The following CALN1 variants were observed in gnomAD, a reference collection of about 807,000 sequenced individuals.
The protein encoded by CALN1 is calneuron 1.
In CALN1, 17 loss-of-function variants were observed where a neutral mutation model predicts 30.6. The ratio of observed to expected loss-of-function variants is 0.56; its 90% CI spans 0.38 to 0.83. CALN1 has a LOEUF of 0.83. Among genes scored for constraint, CALN1 ranks in the 40% least tolerant of loss-of-function variants. The pLI is 0.00. For synonymous variants in CALN1, 156 were observed against 131.4 expected, an observed-to-expected ratio of 1.19 and a Z score of -1.28; for missense variants, 291 against 354.9, an observed-to-expected ratio of 0.82 and a Z score of 1.45.
chr7:72,409,370 T>C (rs1400078766), intron 1 of CALN1, among the ~76,000 whole-genome samples: 1 of 148,786 alleles, frequency 6.7e-6, no homozygotes, highest in Non-Finnish European at 1.5e-5. Flanking sequence ...GAGGCTGAAA[T>C]GATGAGGTTG....
chr7:72,129,424 C>T (rs1223755139), intron 3 of CALN1, among the ~76,000 whole-genome samples: 2 of 152,020 alleles, frequency 1.3e-5, no homozygotes, highest in Non-Finnish European at 2.9e-5. Flanking sequence ...AGGCTAGTGG[C>T]TGTAATATTG....
the CALN1 span, among the ~76,000 whole-genome samples, chr7:72,466,555 C>A: frequency 6.6e-6 from 1 of 152,046 alleles, no homozygotes; most frequent in African/African-American, 2.4e-5. Flanking sequence ...ACCAGCCTGG[C>A]CAACATGGCG....
At chr7:72,467,318 G>C in the CALN1 span, among the ~76,000 whole-genome samples, 19,581 of 152,200 alleles carry the variant, frequency 0.13, 2,575 homozygotes, top group African/African-American at 0.33. Context: ...GCAGGGGGGT[G>C]CCATGCCAGA....
chr7:71,986,933 G>C (rs1337199908), intron 5 of CALN1, among the ~76,000 whole-genome samples: 1 of 152,132 alleles, frequency 6.6e-6, no homozygotes, highest in Non-Finnish European at 1.5e-5. Flanking sequence ...TTTGAGACCA[G>C]CCTGGCCAAT....
At chr7:72,341,163 C>G (rs1745314728) in intron 2 of CALN1, among the ~76,000 whole-genome samples, 1 of 152,190 alleles carries the variant, frequency 6.6e-6, no homozygotes, top group Non-Finnish European at 1.5e-5. Flanking sequence ...GCTGCATCAT[C>G]TAACAATCTG....
intron 2 of CALN1, among the ~76,000 whole-genome samples, chr7:72,314,132 G>T (rs1800250151): frequency 6.6e-6 from 1 of 152,144 alleles, no homozygotes; most frequent in African/African-American, 2.4e-5. Context: ...GGTCGACTGA[G>T]GGCAAGGAGG....
intron 4 of CALN1, among the ~76,000 whole-genome samples, chr7:72,097,722 T>C (rs1176701513): frequency 2.0e-5 from 3 of 151,358 alleles, no homozygotes; most frequent in Non-Finnish European, 4.4e-5. Flanking sequence ...CTTTTATATA[T>C]ATATTTTTTG....
intron 4 of CALN1, among the ~76,000 whole-genome samples, chr7:72,044,327 G>C (rs962812284): frequency 6.6e-6 from 1 of 152,110 alleles, no homozygotes; most frequent in African/African-American, 2.4e-5. Context: ...GGTTCATCCA[G>C]AGCCGGCCTC....
At chr7:72,154,063 G>A (rs1215352752) in intron 3 of CALN1, among the ~76,000 whole-genome samples, 1 of 152,076 alleles carries the variant, frequency 6.6e-6, no homozygotes, top group Non-Finnish European at 1.5e-5. Flanking sequence ...ATGATGAGAT[G>A]TCCCTGCAAT....
intron 3 of CALN1, among the ~76,000 whole-genome samples, chr7:72,211,939 A>G (rs1020447452): frequency 6.6e-6 from 1 of 152,166 alleles, no homozygotes. Flanking sequence ...AGCACAATAA[A>G]CTGTTTCATG....
chr7:72,255,900 T>C lies in CALN1; in HGVS notation c.244+22786A>G, dbSNP rs1795877234. Among the ~76,000 whole-genome samples, 9 of 152,108 alleles carry C rather than the reference T, an allele frequency of 5.9e-5. No homozygotes were observed. The South Asian group carries it at 1.9e-3, about 32-fold the overall frequency. On this transcript the variant is annotated intron_variant, in intron 3 of 6. Coordinates refer to ENST00000395275, the MANE Select transcript of CALN1 (RefSeq NM_031468.4). ...TGCGCACCAGCACGCTGGCTAATTT[T>C]TGTATTTTTAGTAGAAATGAGGTTT...
chr7:72,203,121 G>A (rs1194591596), intron 3 of CALN1, among the ~76,000 whole-genome samples: 2 of 152,110 alleles, frequency 1.3e-5, no homozygotes, highest in Non-Finnish European at 2.9e-5. Flanking sequence ...TCACTCATAA[G>A]TGGGAGCTGA....
chr7:72,019,821 G>A (rs1190542589), intron 5 of CALN1, among the ~76,000 whole-genome samples: 1 of 152,176 alleles, frequency 6.6e-6, no homozygotes, highest in African/African-American at 2.4e-5. Flanking sequence ...AAAATATTTA[G>A]TGTTGTTTTC....
intron 3 of CALN1, among the ~76,000 whole-genome samples, chr7:72,184,296 T>C (rs1365496210): frequency 1.3e-5 from 2 of 152,226 alleles, no homozygotes; most frequent in Non-Finnish European, 2.9e-5. Flanking sequence ...TAGCCCTTAC[T>C]ACCTCTGTGG....
rs77117475 is a variant in CALN1 at position 72,232,818 on chromosome 7, T to G, written c.244+45868A>C. On this transcript the variant is annotated intron_variant, in intron 3 of 6. Coordinates refer to ENST00000395275, the MANE Select transcript of CALN1 (RefSeq NM_031468.4). ...TAGGAAACATATGATATATTGAAATTTTTTTAATACAACATAAAAAGCCAA... is the reference window on the plus strand; with the variant it reads ...TAGGAAACATATGATATATTGAAATGTTTTTAATACAACATAAAAAGCCAA... Among the ~76,000 whole-genome samples, 708 of 152,280 alleles carry G rather than the reference T, an allele frequency of 4.6e-3. 12 individuals are homozygous for G. The highest frequency in any genetic ancestry group is 0.035 in the Admixed American group (539 of 15,286).
In CALN1 at chr7:72,048,704, T is replaced by C. The variant is rs569756308; in HGVS notation, c.389-24935A>G. Among the ~76,000 whole-genome samples the C allele has an allele frequency of 1.6e-4, 24 of 150,610 alleles. No homozygotes were observed. The East Asian group carries it at 4.7e-3, about 29-fold the overall frequency. ...TTGTCTGCCTCCCCTTCTTCCTCCC[T>C]TCTTTCCTTTTTCCCTCTTCTTTCC... is the stretch of plus-strand genomic sequence containing the variant. On this transcript the variant is annotated intron_variant, in intron 4 of 6. Transcript: ENST00000395275.
At chr7:72,449,045 G>A (rs753712288), upstream of CALN1, among the ~76,000 whole-genome samples, 3 of 152,132 alleles carry the variant, frequency 2.0e-5, no homozygotes, top group Non-Finnish European at 4.4e-5. Flanking sequence ...GGGCTGTAGT[G>A]TCAGAGTGAA....
chr7:72,302,394 A>C (rs1057129229), intron 2 of CALN1, among the ~76,000 whole-genome samples: 3 of 152,234 alleles, frequency 2.0e-5, no homozygotes, highest in Admixed American at 6.5e-5. Context: ...GCACATCAGC[A>C]TCATCAGACA....
intron 6 of CALN1, among the ~76,000 whole-genome samples, chr7:71,798,089 CAGAGAGAGAGACAGAGAGAG>C (rs57258889): frequency 1.1e-5 from 1 of 94,368 alleles, no homozygotes; most frequent in East Asian, 4.9e-4. Context: ...CAGAGAGAGA[CAGAGAGAGAGACAGAGAGAG>C]ACAGAGACAG....
Sources: gnomAD v4.1 joint callset for allele counts (sites outside exome capture counted in the v4.1 genomes callset) on GRCh38, gnomAD v4.1.1 for gene constraint, MANE v1.5 for transcripts, NCBI Gene and HGNC (gene_info 2026-07-23, HGNC 2026-07-21) for gene names.